The following ADGRL3 variants were observed in gnomAD, a reference collection of about 807,000 sequenced individuals.
The protein encoded by ADGRL3 is calcium-independent alpha-latrotoxin receptor 3.
ADGRL3 carries 62 observed loss-of-function variants against 153.5 expected under a neutral mutation model. The observed-to-expected ratio is 0.40, with a 90% confidence interval of 0.33 to 0.50. The LOEUF (loss-of-function observed/expected upper bound fraction) is 0.50. Ranked by LOEUF, ADGRL3 falls within the 20% of genes least tolerant of loss-of-function variation. The pLI is 0.47. For synonymous variants in ADGRL3, 710 were observed against 672.5 expected (o/e 1.06, Z -0.86); for missense variants, 1,641 against 1,859.4 (o/e 0.88, Z 2.16).
intron 8 of ADGRL3, among the ~76,000 whole-genome samples, chr4:61,783,421 A>T (rs1187234047): frequency 6.6e-6 from 1 of 152,242 alleles, no homozygotes; most frequent in Non-Finnish European, 1.5e-5. Context: ...TGGTATGTCC[A>T]CATGTGAGTG....
intron 15 of ADGRL3, among the ~76,000 whole-genome samples, chr4:61,938,544 C>A (rs1291757892): frequency 6.6e-6 from 1 of 152,114 alleles, no homozygotes; most frequent in Non-Finnish European, 1.5e-5. Flanking sequence ...AGCAAGGAGG[C>A]TGACAGCAGC....
At chr4:61,434,298 T>C (rs1230490509) in intron 2 of ADGRL3, among the ~76,000 whole-genome samples, 9 of 152,078 alleles carry the variant, frequency 5.9e-5, no homozygotes. Flanking sequence ...GCAAATTCTG[T>C]ATTAATTGAC....
rs563203453 is a variant in ADGRL3 at position 61,494,322 on chromosome 4, C to A, written c.-173-2799C>A. Among the ~76,000 whole-genome samples the A allele has an allele frequency of 1.1e-3, 172 of 152,080 alleles. 3 individuals carry two copies. The highest frequency in any genetic ancestry group is 1.4e-3 in the Non-Finnish European group (94 of 67,998). ...TGTATGTGTGTGTATACATACATCT[C>A]CTGATACCAACTTTTGACTCTCGTA... is the stretch of plus-strand genomic sequence containing the variant. On this transcript the variant is annotated intron_variant, in intron 2 of 26. Transcript: ENST00000683033.
chr4:61,816,544 A>G, intron 9 of ADGRL3, among the ~76,000 whole-genome samples: 1 of 152,238 alleles, frequency 6.6e-6, no homozygotes, highest in East Asian at 1.9e-4. Flanking sequence ...AGGACCATGA[A>G]TATAAGAAGA....
At chr4:61,674,608 C>A (rs939364734) in intron 5 of ADGRL3, among the ~76,000 whole-genome samples, 2 of 151,762 alleles carry the variant, frequency 1.3e-5, no homozygotes, top group African/African-American at 4.8e-5. Flanking sequence ...TATAGTGCCA[C>A]TTTTCCATTA....
chr4:61,455,100 C>G (rs1481660609), intron 2 of ADGRL3, among the ~76,000 whole-genome samples: 1 of 151,914 alleles, frequency 6.6e-6, no homozygotes, highest in Non-Finnish European at 1.5e-5. Context: ...TTTTTTGGAC[C>G]TAAATCTAAT....
intron 10 of ADGRL3, among the ~76,000 whole-genome samples, chr4:61,894,156 A>G (rs1014114269): frequency 6.6e-6 from 1 of 152,180 alleles, no homozygotes; most frequent in Non-Finnish European, 1.5e-5. Context: ...GCACATTTGC[A>G]TTATTCTCTA....
At chr4:61,947,236 C>A in intron 16 of ADGRL3, 114 bp downstream of exon 16, 1 of 827,298 alleles carries the variant, frequency 1.2e-6, no homozygotes, top group Non-Finnish European at 1.9e-6. Context: ...TATAACAGTT[C>A]ATTATCTGTA....
intron 5 of ADGRL3, among the ~76,000 whole-genome samples, chr4:61,673,824 C>T (rs2095089611): frequency 6.6e-6 from 1 of 150,680 alleles, no homozygotes. Flanking sequence ...TTGATATAAA[C>T]ATAGTAATAG....
intron 9 of ADGRL3, among the ~76,000 whole-genome samples, chr4:61,838,357 C>T (rs539384795): frequency 2.6e-5 from 4 of 152,056 alleles, no homozygotes; most frequent in African/African-American, 2.4e-5. Context: ...CAGTATTAAC[C>T]TAGCTCTATA....
At chr4:61,674,417 T>C (rs1358912915) in intron 5 of ADGRL3, among the ~76,000 whole-genome samples, 2 of 151,626 alleles carry the variant, frequency 1.3e-5, no homozygotes, top group African/African-American at 4.8e-5. Context: ...ACCTGAAAAT[T>C]ACAAGAGTAG....
At chr4:62,031,920 AATT>A (rs1308046661) in intron 23 of ADGRL3, among the ~76,000 whole-genome samples, 3 of 150,852 alleles carry the variant, frequency 2.0e-5, no homozygotes. Flanking sequence ...ATTAGGAAGT[AATT>A]ATTTTCTGAA....
chr4:61,710,702 C>T (rs1192689877), intron 6 of ADGRL3, among the ~76,000 whole-genome samples: 1 of 152,144 alleles, frequency 6.6e-6, no homozygotes, highest in African/African-American at 2.4e-5. Context: ...CTTGGTTGTT[C>T]TCTTGAATGA....
chr4:61,815,802 T>C (rs2148650678), intron 9 of ADGRL3, among the ~76,000 whole-genome samples: 1 of 152,286 alleles, frequency 6.6e-6, no homozygotes, highest in South Asian at 2.1e-4. Flanking sequence ...CTCTTAGGCC[T>C]TTTGCAATGT....
chr4:61,640,494 A>G (rs1248600480), intron 5 of ADGRL3, among the ~76,000 whole-genome samples: 3 of 152,174 alleles, frequency 2.0e-5, no homozygotes, highest in Non-Finnish European at 2.9e-5. Context: ...TTCCCACTAT[A>G]TGATCTTGTA....
At chr4:61,745,265 A>T (rs372676085) in intron 8 of ADGRL3, among the ~76,000 whole-genome samples, 13,195 of 152,214 alleles carry the variant, frequency 0.087, 1,218 homozygotes, top group African/African-American at 0.23. Context: ...GGAGAATGGA[A>T]CCAAGTTGGA....
intron 1 of ADGRL3, among the ~76,000 whole-genome samples, chr4:61,354,613 C>G (rs575309616): frequency 6.4e-4 from 94 of 147,996 alleles, no homozygotes; most frequent in African/African-American, 2.3e-3. Context: ...CTTTAGTGAC[C>G]CAAATAAAAT....
intron 15 of ADGRL3, among the ~76,000 whole-genome samples, chr4:61,945,757 G>A (rs903749765): frequency 4.0e-5 from 6 of 151,598 alleles, no homozygotes; most frequent in Non-Finnish European, 7.4e-5. Context: ...GACCCCTTGC[G>A]CTTCCCAGGT....
chr4:61,516,129 AT>A (rs1178340379), intron 3 of ADGRL3, among the ~76,000 whole-genome samples: 1 of 151,936 alleles, frequency 6.6e-6, no homozygotes, highest in Non-Finnish European at 1.5e-5. Flanking sequence ...TCTTAATATG[AT>A]TTTTTTCCAT....
Sources: gnomAD v4.1 joint callset for allele counts (sites outside exome capture counted in the v4.1 genomes callset) on GRCh38, gnomAD v4.1.1 for gene constraint, MANE v1.5 for transcripts, NCBI Gene and HGNC (gene_info 2026-07-23, HGNC 2026-07-21) for gene names.